Variants in RBPMS observed in about 807,000 individuals in gnomAD.
RBPMS encodes the protein RNA-binding protein with multiple splicing.
In RBPMS, 7 loss-of-function variants were observed where a neutral mutation model predicts 26.8. The observed-to-expected ratio is 0.26, with a 90% CI of 0.15 to 0.49. The LOEUF (loss-of-function observed/expected upper bound fraction) is 0.49, where lower values mean the gene tolerates loss of function less well. RBPMS is among the 20% of genes least tolerant of loss of function. The pLI, the probability that RBPMS is intolerant of heterozygous loss-of-function variation, is 0.98. For missense variants in RBPMS, 186 were observed against 250.0 expected (o/e 0.74, Z 1.73); for synonymous variants, 96 against 93.3 (o/e 1.03, Z -0.17).
intron 5 of RBPMS, among the ~76,000 whole-genome samples, chr8:30,509,450 A>G (rs1821365822): frequency 6.6e-6 from 1 of 152,232 alleles, no homozygotes; most frequent in Admixed American, 6.5e-5. Context: ...TCATGTCTGA[A>G]GAGACCCTGT....
At chr8:30,529,665 A>G (rs1439287089) in intron 5 of RBPMS, among the ~76,000 whole-genome samples, 1 of 151,888 alleles carries the variant, frequency 6.6e-6, no homozygotes, top group Non-Finnish European at 1.5e-5. Flanking sequence ...GAGTCATACA[A>G]TATTTGTCCT....
chr8:30,473,355 C>T (rs1261775929), intron 1 of RBPMS, among the ~76,000 whole-genome samples: 1 of 152,188 alleles, frequency 6.6e-6, no homozygotes, highest in Non-Finnish European at 1.5e-5. Context: ...TCTGGTGTTT[C>T]CCCTGTGTTC....
intron 4 of RBPMS, among the ~76,000 whole-genome samples, chr8:30,482,664 T>C (rs969530932): frequency 1.3e-5 from 2 of 152,190 alleles, no homozygotes; most frequent in Admixed American, 6.5e-5. Context: ...TAGCAAAAAG[T>C]CCCACGTTAG....
chr8:30,388,952 C>T (rs187733725), intron 1 of RBPMS, among the ~76,000 whole-genome samples: 49 of 152,224 alleles, frequency 3.2e-4, no homozygotes, highest in Middle Eastern at 3.4e-3. Flanking sequence ...TTAATACAAA[C>T]CTTTACTTTG....
chr8:30,427,273 A>G (rs756647367), intron 1 of RBPMS, among the ~76,000 whole-genome samples: 3 of 152,202 alleles, frequency 2.0e-5, no homozygotes, highest in Admixed American at 6.5e-5. Context: ...GGAGGTAACT[A>G]TAAAGGGGAC....
chr8:30,452,493 A>G (rs1434063238), intron 1 of RBPMS, among the ~76,000 whole-genome samples: 2 of 152,176 alleles, frequency 1.3e-5, no homozygotes, highest in Non-Finnish European at 2.9e-5. Flanking sequence ...GAAGAACATG[A>G]TCATTGTAAG....
intron 6 of RBPMS, among the ~76,000 whole-genome samples, chr8:30,555,660 C>G (rs1826813528): frequency 6.6e-6 from 1 of 152,124 alleles, no homozygotes; most frequent in East Asian, 1.9e-4. Context: ...GAAGGCCAGC[C>G]CTTGTCACAT....
rs1275666730 is a variant in RBPMS, at chr8:30,446,832, TGTGTGTGTGTGCGC to T, written c.67-27945_67-27932del. The T allele has an allele frequency of 1.1e-3, 115 of 100,392 alleles. 3 individuals are homozygous for T. Among genetic ancestry groups the T allele is most frequent in the South Asian group, 6.5e-3 (24 of 3,666 alleles). The allele number at this position is 100,392 out of a possible 1,614,324, so 6.2% of individuals were successfully genotyped here. A position where few individuals can be genotyped will look rare whatever the true frequency, so the allele number is the denominator to read the frequency against. ...GTGTGTGTGTGTGTGTGTGTGTGTG[TGTGTGTGTGTGCGC>T]GCGCGCGCGCGCGGTGGAGGGTAGT... On this transcript the variant is annotated intron_variant, in intron 1 of 8. Transcript: ENST00000397323.
intron 1 of RBPMS, among the ~76,000 whole-genome samples, chr8:30,458,239 G>A (rs1815463616): frequency 6.6e-6 from 1 of 152,082 alleles, no homozygotes; most frequent in Admixed American, 6.6e-5. Flanking sequence ...TCTGTGGTTG[G>A]TTGAATCCAT....
At chr8:30,434,704 G>GA (rs57092916) in intron 1 of RBPMS, among the ~76,000 whole-genome samples, 1,025 of 99,216 alleles carry the variant, frequency 0.01, 11 homozygotes, top group Middle Eastern at 0.036. Flanking sequence ...ACTCTGCCTC[G>GA]AAAAAAAAAA....
intron 5 of RBPMS, 55 bp downstream of exon 5, chr8:30,504,491 G>A (rs951709123): frequency 4.8e-5 from 74 of 1,557,232 alleles, no homozygotes; most frequent in Non-Finnish European, 6.3e-5. Context: ...CTGTTCATGT[G>A]CTGCATGTGA....
At position 30,449,220 on chromosome 8, in the gene RBPMS, TTTG is replaced by T. The variant is rs146640261; in HGVS notation, c.67-25547_67-25545del. ...AACTATAATGTTTTTAAACTTGGATTTTGTTGTTGTTGTTTTTGTTTAAGTAGT... is the reference window on the plus strand; with the variant it reads ...AACTATAATGTTTTTAAACTTGGATTTTGTTGTTGTTTTTGTTTAAGTAGT... On this transcript the variant is annotated intron_variant, in intron 1 of 8. Transcript: ENST00000397323. 1.4e-3 allele frequency among the ~76,000 whole-genome samples: 218 copies of T among 152,234 alleles called. 4 individuals carry two copies. In the East Asian group the frequency reaches 0.039, roughly 27 times the overall value.
chr8:30,545,760 C>T (rs1825817761), intron 6 of RBPMS, among the ~76,000 whole-genome samples: 1 of 152,078 alleles, frequency 6.6e-6, no homozygotes, highest in African/African-American at 2.4e-5. Context: ...TCTTTTAATT[C>T]TGAGTTACCA....
chr8:30,543,344 A>T (rs1447311396), intron 5 of RBPMS, among the ~76,000 whole-genome samples: 1 of 152,100 alleles, frequency 6.6e-6, no homozygotes, highest in East Asian at 1.9e-4. Flanking sequence ...TTCTGTATTG[A>T]AGAGTTTCGG....
chr8:30,456,016 T>G (rs1815166565), intron 1 of RBPMS, among the ~76,000 whole-genome samples: 1 of 152,158 alleles, frequency 6.6e-6, no homozygotes, highest in African/African-American at 2.4e-5. Flanking sequence ...GGCCAGAGGC[T>G]TGGGGATTTT....
chr8:30,488,688 T>G (rs1010159805), intron 4 of RBPMS, among the ~76,000 whole-genome samples: 1 of 152,218 alleles, frequency 6.6e-6, no homozygotes, highest in Non-Finnish European at 1.5e-5. Flanking sequence ...AAAACACACT[T>G]GAAACTACTC....
At chr8:30,570,207 T>C (rs1160465248) in intron 8 of RBPMS, among the ~76,000 whole-genome samples, 1 of 152,218 alleles carries the variant, frequency 6.6e-6, no homozygotes, top group African/African-American at 2.4e-5. Context: ...AAATAGGTTA[T>C]CAATAATTAT....
At chr8:30,550,927 C>T (rs1403486864) in intron 6 of RBPMS, among the ~76,000 whole-genome samples, 2 of 152,252 alleles carry the variant, frequency 1.3e-5, no homozygotes, top group African/African-American at 4.8e-5. Context: ...AGCCTTATCT[C>T]ACTTTCCTAT....
chr8:30,485,454 A>C (rs1039876728), intron 4 of RBPMS, among the ~76,000 whole-genome samples: 3 of 152,170 alleles, frequency 2.0e-5, no homozygotes, highest in African/African-American at 7.2e-5. Flanking sequence ...TTAGATGGGA[A>C]ATATGCAGGA....
Sources: allele counts gnomAD v4.1 joint callset (sites outside exome capture counted in the v4.1 genomes callset), GRCh38; gene constraint gnomAD v4.1.1; transcripts MANE v1.5; gene names NCBI Gene and HGNC (gene_info 2026-07-23, HGNC 2026-07-21).